Variants in CCDC50 observed in about 807,000 individuals in gnomAD.
CCDC50 encodes the protein coiled-coil domain containing 50.
Under a neutral mutation model 70.2 loss-of-function variants are expected in CCDC50, and 54 were observed. The ratio of observed to expected loss-of-function variants is 0.77; its 90% CI spans 0.62 to 0.96. CCDC50 has a LOEUF of 0.96. CCDC50 is among the 50% of genes least tolerant of loss of function. CCDC50 has a pLI of 0.00. For synonymous variants in CCDC50, 216 were observed against 198.8 expected (o/e 1.09, Z -0.73); for missense variants, 558 against 578.7 (o/e 0.96, Z 0.37).
chr3:191,380,317 A>T lies in CCDC50; in HGVS notation c.1092+43A>T, dbSNP rs183941512. The T allele has an allele frequency of 4.2e-3, 5,221 of 1,248,270 alleles. 24 individuals are homozygous for T. Among genetic ancestry groups the T allele is most frequent in the South Asian group, 4.7e-3 (387 of 81,770 alleles). 77.3% of individuals were successfully genotyped at this position (1,248,270 alleles called of 1,614,324 possible). On this transcript the variant is annotated intron_variant, in intron 7 of 11. Coordinates refer to ENST00000392455, the MANE Select transcript of CCDC50 (RefSeq NM_178335.3). ...CAAAAGTTTAGATATATTGATGGGT[A>T]TTTTTTTTGTGAATCTAGTCCATCT... is the stretch of plus-strand genomic sequence containing the variant.
chr3:191,366,175 C>G (rs1357165829), intron 4 of CCDC50, among the ~76,000 whole-genome samples: 1 of 152,058 alleles, frequency 6.6e-6, no homozygotes, highest in Non-Finnish European at 1.5e-5. Flanking sequence ...TTACTAAAAG[C>G]AAGATAAGAA....
chr3:191,370,858 GAATTGGC>G (rs1176723699), intron 5 of CCDC50, among the ~76,000 whole-genome samples: 1 of 152,108 alleles, frequency 6.6e-6, no homozygotes, highest in African/African-American at 2.4e-5. Flanking sequence ...GATTTTATGA[GAATTGGC>G]ATGCATTCTT....
chr3:191,331,899 G>A (rs562374104), intron 1 of CCDC50, among the ~76,000 whole-genome samples: 1 of 152,060 alleles, frequency 6.6e-6, no homozygotes, highest in African/African-American at 2.4e-5. Context: ...ATTTGAGAAG[G>A]GTTAGTAGTA....
At chr3:191,377,060 T>G (rs1444568186) in intron 6 of CCDC50, among the ~76,000 whole-genome samples, 1 of 152,188 alleles carries the variant, frequency 6.6e-6, no homozygotes, top group African/African-American at 2.4e-5. Flanking sequence ...GCAAATGTTT[T>G]GTTTTTTATT....
At chr3:191,345,782 G>T (rs1711895180) in intron 1 of CCDC50, among the ~76,000 whole-genome samples, 3 of 152,194 alleles carry the variant, frequency 2.0e-5, no homozygotes, top group Admixed American at 2.0e-4. Context: ...AATTACGTGA[G>T]AATGAAATGT....
At chr3:191,391,504 T>G (rs1713692282) in intron 11 of CCDC50, among the ~76,000 whole-genome samples, 1 of 152,236 alleles carries the variant, frequency 6.6e-6, no homozygotes, top group South Asian at 2.1e-4. Context: ...GTAGCTCATA[T>G]TTTTCTTTCT....
chr3:191,361,039 C>T (rs1712468358), intron 3 of CCDC50, 30 bp from the exon 4 acceptor site: 2 of 1,444,532 alleles, frequency 1.4e-6, no homozygotes, highest in South Asian at 2.3e-5. Flanking sequence ...TTTTATTTTC[C>T]TTATTCATGT....
rs145892736 is a variant in CCDC50, at chr3:191,357,994, C to A, written c.113-4C>A. 1 of 1,613,714 alleles carries A rather than the reference C, an allele frequency of 6.2e-7. No homozygotes were observed. Among genetic ancestry groups the A allele is most frequent in the Non-Finnish European group, 8.5e-7 (1 of 1,179,826 alleles). On this transcript the variant is annotated splice_polypyrimidine_tract_variant and splice_region_variant and intron_variant, in intron 2 of 11. Coordinates refer to ENST00000392455, the MANE Select transcript of CCDC50 (RefSeq NM_178335.3). ...CATTCCTGTCCTCAATCTTTTTGTTCCAGTTGAGCATCATTTGGCATCGAA... is the reference window on the plus strand; with the variant it reads ...CATTCCTGTCCTCAATCTTTTTGTTACAGTTGAGCATCATTTGGCATCGAA...
chr3:191,377,139 T>C lies in CCDC50; in HGVS notation c.976+1550T>C, dbSNP rs535279411. ...TTAAAACGACTACAACATGAGCTGCTGCTTTTCTATCATTTTATATTCAGC... is the reference window on the plus strand; with the variant it reads ...TTAAAACGACTACAACATGAGCTGCCGCTTTTCTATCATTTTATATTCAGC... On this transcript the variant is annotated intron_variant, in intron 6 of 11. Transcript: ENST00000392455. Among the ~76,000 whole-genome samples, 29 of 152,338 alleles carry C rather than the reference T, an allele frequency of 1.9e-4. 1 individual carries two copies. Among genetic ancestry groups the C allele is most frequent in the Admixed American group, 6.5e-4 (10 of 15,286 alleles).
intron 1 of CCDC50, among the ~76,000 whole-genome samples, chr3:191,341,007 G>A (rs1381151383): frequency 6.7e-6 from 1 of 150,116 alleles, no homozygotes; most frequent in Non-Finnish European, 1.5e-5. Flanking sequence ...TTTTTTTTTG[G>A]TAGAGTGAGG....
intron 10 of CCDC50, among the ~76,000 whole-genome samples, chr3:191,387,931 TG>T (rs1371820282): frequency 6.6e-6 from 1 of 152,120 alleles, no homozygotes; most frequent in East Asian, 1.9e-4. Flanking sequence ...TTAAGCCACT[TG>T]TTTGCTTTTT....
At chr3:191,376,351 A>G (rs930548481) in intron 6 of CCDC50, among the ~76,000 whole-genome samples, 4 of 152,202 alleles carry the variant, frequency 2.6e-5, no homozygotes, top group African/African-American at 9.6e-5. Context: ...TGGTACCTAT[A>G]TAAGAATGAG....
intron 1 of CCDC50, among the ~76,000 whole-genome samples, chr3:191,340,556 A>C (rs1358825378): frequency 6.6e-6 from 1 of 152,230 alleles, no homozygotes. Flanking sequence ...CTTGATGGTG[A>C]TAATTTGATG....
chr3:191,395,072 A>G lies in CCDC50; in HGVS notation c.*3312A>G, dbSNP rs1713819408. The G allele has an allele frequency of 6.6e-6, 1 of 152,118 alleles. No homozygotes were observed. The highest frequency in any genetic ancestry group is 6.6e-5 in the Admixed American group (1 of 15,266). The allele number at this position is 152,118 out of a possible 1,614,324, so 9.4% of individuals were successfully genotyped here. On this transcript the variant is annotated 3_prime_UTR_variant, in exon 12 of 12. Coordinates refer to ENST00000392455, the MANE Select transcript of CCDC50 (RefSeq NM_178335.3). ...ATGGATAGATGCTTTTAGGAGGAAA[A>G]CCTTTTTAGAATGGCAATGACCACT...
chr3:191,382,908 G>A (rs1416774922), intron 10 of CCDC50, 83 bp downstream of exon 10: 4 of 1,017,354 alleles, frequency 3.9e-6, no homozygotes, highest in Non-Finnish European at 3.1e-6. Context: ...AAGAGTGTAT[G>A]TTTTTTGGAG....
At chr3:191,346,005 A>G (rs991610693) in intron 1 of CCDC50, among the ~76,000 whole-genome samples, 37 of 152,234 alleles carry the variant, frequency 2.4e-4, no homozygotes, top group Non-Finnish European at 2.9e-5. Context: ...ATTTCTTTGC[A>G]GTAAAGAGCT....
chr3:191,381,323 C>G (rs1357397882), intron 9 of CCDC50, among the ~76,000 whole-genome samples: 1 of 152,106 alleles, frequency 6.6e-6, no homozygotes. Context: ...CATTATCTTT[C>G]ATCTCTATCA....
chr3:191,368,563 G>A (rs1204979927), intron 4 of CCDC50, among the ~76,000 whole-genome samples: 1 of 151,976 alleles, frequency 6.6e-6, no homozygotes, highest in African/African-American at 2.4e-5. Flanking sequence ...CTGCATAGAT[G>A]TGAAAAAAAT....
In CCDC50 at chr3:191,342,562, G is replaced by T. The variant is rs149631664; in HGVS notation, c.49+12839G>T. Among the ~76,000 whole-genome samples, 903 of 152,254 alleles carry T rather than the reference G, an allele frequency of 5.9e-3. 10 individuals are homozygous for T. The highest frequency in any genetic ancestry group is 0.02 in the African/African-American group (843 of 41,534). ...TCCCCTGGTGTAAACTTGTACTTAA[G>T]CTGGGCTGGAAGTGATCTTTGGGTT... On this transcript the variant is annotated intron_variant, in intron 1 of 11. Coordinates refer to ENST00000392455, the MANE Select transcript of CCDC50 (RefSeq NM_178335.3).
Sources: gnomAD v4.1 joint callset for allele counts (sites outside exome capture counted in the v4.1 genomes callset) on GRCh38, gnomAD v4.1.1 for gene constraint, MANE v1.5 for transcripts, NCBI Gene and HGNC (gene_info 2026-07-23, HGNC 2026-07-21) for gene names.